GRIP2: variants seen among roughly 807,000 people sequenced by gnomAD.
GRIP2 encodes glutamate receptor-interacting protein 2.
A neutral mutation model predicts 108.3 loss-of-function variants in GRIP2; 58 were observed. That is an observed-to-expected ratio of 0.54 (90% CI 0.43 to 0.67). The LOEUF (loss-of-function observed/expected upper bound fraction) is 0.67. Ranked by LOEUF, GRIP2 falls within the 30% of genes least tolerant of loss-of-function variation. The pLI is 0.00. For synonymous variants in GRIP2, 586 were observed against 598.2 expected (o/e 0.98, Z 0.30); for missense variants, 1,278 against 1,430.6 (o/e 0.89, Z 1.72).
intron 21 of GRIP2, among the ~76,000 whole-genome samples, chr3:14,496,961 CTT>C (rs56751492): frequency 1.2e-4 from 17 of 136,382 alleles, no homozygotes; most frequent in Admixed American, 1.5e-4. Flanking sequence ...AGTCAAGACT[CTT>C]TTTTTTTTTT....
intron 1 of GRIP2, among the ~76,000 whole-genome samples, chr3:14,535,569 G>A (rs1030685162): frequency 6.6e-6 from 1 of 152,190 alleles, no homozygotes; most frequent in African/African-American, 2.4e-5. Context: ...CTTTTGAGGC[G>A]GTATAATCAT....
At chr3:14,519,162 C>G (rs891958034) in intron 9 of GRIP2, among the ~76,000 whole-genome samples, 6 of 152,170 alleles carry the variant, frequency 3.9e-5, no homozygotes, top group African/African-American at 1.4e-4. Context: ...CTAATGTCAC[C>G]CAGACCAGTC....
At chr3:14,541,115 T>G (rs1694960192), upstream of GRIP2, among the ~76,000 whole-genome samples, 1 of 152,204 alleles carries the variant, frequency 6.6e-6, no homozygotes, top group South Asian at 2.1e-4. Context: ...CTCCTGGGAT[T>G]CCTCCACATT....
At chr3:14,563,667 C>T in the GRIP2 span, among the ~76,000 whole-genome samples, 3 of 152,034 alleles carry the variant, frequency 2.0e-5, no homozygotes, top group Non-Finnish European at 2.9e-5. Flanking sequence ...GGGCACAGAA[C>T]TCGGGGCTCC....
At chr3:14,541,719 G>A (rs548158911), upstream of GRIP2, among the ~76,000 whole-genome samples, 1 of 152,332 alleles carries the variant, frequency 6.6e-6, no homozygotes, top group South Asian at 2.1e-4. Flanking sequence ...CTGGGGGAAG[G>A]GTCCAGGTGC....
chr3:14,581,941 G>C, the GRIP2 span, among the ~76,000 whole-genome samples: 1 of 152,192 alleles, frequency 6.6e-6, no homozygotes, highest in Non-Finnish European at 1.5e-5. Flanking sequence ...GTTTGGAAGA[G>C]AGCTGAGGAG....
the GRIP2 span, among the ~76,000 whole-genome samples, chr3:14,580,864 A>G: frequency 1.3e-5 from 2 of 152,212 alleles, no homozygotes; most frequent in Non-Finnish European, 2.9e-5. Flanking sequence ...ACCCTCCACA[A>G]TGTGGGTTGG....
chr3:14,542,152 TA>T, upstream of GRIP2: 3 of 1,002,990 alleles, frequency 3.0e-6, no homozygotes, highest in South Asian at 1.6e-5. Context: ...TTTTATTTTT[TA>T]TTTTTTTTAT....
At chr3:14,549,864 C>T (rs918855327) in intron 1 of GRIP2, among the ~76,000 whole-genome samples, 3 of 152,182 alleles carry the variant, frequency 2.0e-5, no homozygotes, top group Non-Finnish European at 4.4e-5. Flanking sequence ...CTCAAAAGGG[C>T]TTGGTGGACG....
At chr3:14,527,144 G>A (rs760587369) in intron 1 of GRIP2, among the ~76,000 whole-genome samples, 5 of 152,194 alleles carry the variant, frequency 3.3e-5, no homozygotes, top group East Asian at 1.9e-4. Flanking sequence ...CTGTGATTGC[G>A]CCACTGCATT....
the GRIP2 span, among the ~76,000 whole-genome samples, chr3:14,594,432 G>C: frequency 8.5e-5 from 13 of 152,134 alleles, no homozygotes; most frequent in Non-Finnish European, 1.5e-5. Flanking sequence ...CTGGGAGCAG[G>C]CGTGACTCCC....
rs762315185 is a variant in GRIP2 at position 14,522,686 on chromosome 3, T to A, written c.566+314A>T. The A allele has an allele frequency of 1.0e-4, 33 of 324,806 alleles. No homozygotes were observed. Among genetic ancestry groups the A allele is most frequent in the Non-Finnish European group, 1.7e-4 (29 of 173,428 alleles). The allele number at this position is 324,806 out of a possible 1,614,324, so 20.1% of individuals were successfully genotyped here. ...GTGCCCCCAAATCTCTCATAGCAAC[T>A]CTTAGGGACCATTCCACAGACGGGA... On this transcript the variant is annotated intron_variant, in intron 6 of 23. Transcript: ENST00000621039. The surrounding 1 kb of genome is among the most constrained non-coding windows in gnomAD (Gnocchi z 4.3).
chr3:14,527,537 A>G (rs1694594862), intron 1 of GRIP2, among the ~76,000 whole-genome samples: 1 of 152,188 alleles, frequency 6.6e-6, no homozygotes. Context: ...GGTGGGCTCC[A>G]GGAATCTGTA....
chr3:14,511,947 C>T lies in GRIP2; in HGVS notation c.1721-468G>A, dbSNP rs1008816352. Among the ~76,000 whole-genome samples the T allele has an allele frequency of 4.6e-5, 7 of 152,334 alleles. No homozygotes were observed. The highest frequency in any genetic ancestry group is 1.7e-4 in the African/African-American group (7 of 41,568). On this transcript the variant is annotated intron_variant, in intron 14 of 23. Coordinates refer to ENST00000621039, the MANE Select transcript of GRIP2 (RefSeq NM_001080423.4). This position sits in a 1 kb window ranked among gnomAD's most constrained non-coding sequence, Gnocchi z 4.1. Reference sequence around the variant, plus strand: ...GCAATCTCTCCCTGCCCTCCTGGAGCTGGCACTCCAGTGGTGGTCACAATC... The same window carrying T: ...GCAATCTCTCCCTGCCCTCCTGGAGTTGGCACTCCAGTGGTGGTCACAATC...
intron 21 of GRIP2, 146 bp from the exon 22 acceptor site, chr3:14,496,706 C>T (rs1693613466): frequency 9.1e-7 from 1 of 1,104,282 alleles, no homozygotes. Flanking sequence ...GGGCTGGGTC[C>T]AACAGCGGTG....
chr3:14,532,499 T>C (rs1694734958), intron 1 of GRIP2, among the ~76,000 whole-genome samples: 1 of 152,212 alleles, frequency 6.6e-6, no homozygotes, highest in Non-Finnish European at 1.5e-5. Context: ...AGCAGCATCC[T>C]TGGCCTCTAA....
chr3:14,527,873 G>A (rs1285925363), intron 1 of GRIP2, among the ~76,000 whole-genome samples: 2 of 152,090 alleles, frequency 1.3e-5, no homozygotes, highest in Non-Finnish European at 2.9e-5. Flanking sequence ...TCCAGTCTGG[G>A]TGACAGAGTG....
chr3:14,586,843 A>G, the GRIP2 span, among the ~76,000 whole-genome samples: 1,493 of 152,336 alleles, frequency 9.8e-3, 23 homozygotes, highest in African/African-American at 0.033. Context: ...TGACCACTCC[A>G]TGATGCATTC....
intron 4 of GRIP2, 179 bp from the exon 5 acceptor site, chr3:14,523,877 C>A: frequency 1.7e-6 from 1 of 591,838 alleles, no homozygotes; most frequent in Non-Finnish European, 3.0e-6. Context: ...TCCCCTAATC[C>A]CACTTAGCCC....
Sources: gnomAD v4.1 joint callset for allele counts (sites outside exome capture counted in the v4.1 genomes callset) on GRCh38, gnomAD v4.1.1 for gene constraint, Gnocchi (gnomAD v3.1) non-coding constraint, MANE v1.5 for transcripts, NCBI Gene and HGNC (gene_info 2026-07-23, HGNC 2026-07-21) for gene names.